Variants in PREX2 observed in about 807,000 individuals in gnomAD.
PREX2 encodes the protein phosphatidylinositol-3,4,5-trisphosphate dependent Rac exchange factor 2, also known as phosphatidylinositol 3,4,5-trisphosphate-dependent Rac exchanger 2 protein.
PREX2 carries 107 observed loss-of-function variants against 203.2 expected under a neutral mutation model. That is an observed-to-expected ratio of 0.53 (90% CI 0.45 to 0.62). PREX2 has a LOEUF of 0.62. PREX2 is among the 20% of genes least tolerant of loss of function. PREX2 has a pLI of 0.00. For synonymous variants in PREX2, 672 were observed against 663.6 expected (o/e 1.01, Z -0.19); for missense variants, 1,777 against 1,955.9 (o/e 0.91, Z 1.72).
intron 35 of PREX2, among the ~76,000 whole-genome samples, chr8:68,188,591 C>G (rs1812235536): frequency 6.6e-6 from 1 of 152,164 alleles, no homozygotes; most frequent in South Asian, 2.1e-4. Context: ...ACTCATAGTT[C>G]CACGTGGCTG....
intron 39 of PREX2, among the ~76,000 whole-genome samples, chr8:68,230,845 G>T (rs1369146709): frequency 1.3e-5 from 2 of 152,116 alleles, no homozygotes; most frequent in African/African-American, 4.8e-5. Context: ...ATCTTGCCAT[G>T]TCAGCCTATC....
chr8:68,059,260 G>A (rs1406753760), intron 10 of PREX2, among the ~76,000 whole-genome samples: 1 of 150,988 alleles, frequency 6.6e-6, no homozygotes, highest in African/African-American at 2.5e-5. Flanking sequence ...AAATGTCTCT[G>A]TATTTAGTGT....
chr8:68,115,492 GT>G (rs1031228949), intron 25 of PREX2, among the ~76,000 whole-genome samples: 4 of 151,986 alleles, frequency 2.6e-5, no homozygotes, highest in Admixed American at 6.5e-5. Context: ...TCACAGCTTT[GT>G]TTTAGCTATA....
At chr8:67,973,424 A>G (rs1312359173) in intron 1 of PREX2, among the ~76,000 whole-genome samples, 2 of 152,130 alleles carry the variant, frequency 1.3e-5, no homozygotes, top group Non-Finnish European at 2.9e-5. Context: ...TGATCCATCA[A>G]ACATCTTGCT....
At chr8:68,058,497 G>T (rs773395378) in intron 10 of PREX2, among the ~76,000 whole-genome samples, 2 of 151,740 alleles carry the variant, frequency 1.3e-5, no homozygotes, top group Non-Finnish European at 2.9e-5. Context: ...GCAGTGGCAC[G>T]ATCTCAGCTC....
At chr8:68,089,744 T>A (rs1463255669) in intron 19 of PREX2, among the ~76,000 whole-genome samples, 1 of 152,252 alleles carries the variant, frequency 6.6e-6, no homozygotes, top group Non-Finnish European at 1.5e-5. Flanking sequence ...TGTTTAATAA[T>A]TTCTTTATGA....
rs192197391 is a variant in PREX2, at chr8:67,982,555, T to G, written c.141+30020T>G. On this transcript the variant is annotated intron_variant, in intron 1 of 39. Transcript: ENST00000288368. The stretch of plus-strand genomic sequence containing the variant: ...CTAATAAAAGATACATTGACATGTA[T>G]TAGAATTGTCATTGTTTATGGGTAA... 2.0e-4 allele frequency among the ~76,000 whole-genome samples: 31 copies of G among 152,334 alleles called. 1 individual carries two copies.
chr8:68,043,930 A>G (rs1808267554), intron 7 of PREX2, among the ~76,000 whole-genome samples: 1 of 152,108 alleles, frequency 6.6e-6, no homozygotes, highest in African/African-American at 2.4e-5. Context: ...TAAGGCCTTC[A>G]TGAAGGATTG....
chr8:68,054,422 C>G (rs1354374764), intron 9 of PREX2, among the ~76,000 whole-genome samples: 2 of 151,366 alleles, frequency 1.3e-5, no homozygotes, highest in Non-Finnish European at 2.9e-5. Context: ...TCTAAAACTG[C>G]TTATGATCTT....
At chr8:68,168,684 C>G (rs1178920309) in intron 35 of PREX2, among the ~76,000 whole-genome samples, 1 of 152,128 alleles carries the variant, frequency 6.6e-6, no homozygotes, top group Non-Finnish European at 1.5e-5. Context: ...TAATCTGTAA[C>G]CACAAATACT....
chr8:67,981,747 A>T (rs58364782), intron 1 of PREX2, among the ~76,000 whole-genome samples: 1 of 152,036 alleles, frequency 6.6e-6, no homozygotes, highest in Admixed American at 6.5e-5. Flanking sequence ...CTTAAAATAT[A>T]TATTAATCAG....
chr8:68,070,435 AAG>A (rs1406851743), intron 13 of PREX2, among the ~76,000 whole-genome samples: 1 of 151,974 alleles, frequency 6.6e-6, no homozygotes, highest in African/African-American at 2.4e-5. Context: ...CTTGTTTTAA[AAG>A]AGGAATCAGG....
At chr8:68,011,922 T>G (rs1359996382) in intron 1 of PREX2, among the ~76,000 whole-genome samples, 1 of 152,180 alleles carries the variant, frequency 6.6e-6, no homozygotes, top group African/African-American at 2.4e-5. Flanking sequence ...ATGGCATTTA[T>G]TATAGTATTT....
intron 30 of PREX2, among the ~76,000 whole-genome samples, chr8:68,126,490 A>C (rs1006768164): frequency 1.3e-5 from 2 of 152,042 alleles, no homozygotes. Context: ...CTCTTAGCTT[A>C]TTGTACTTTG....
intron 1 of PREX2, among the ~76,000 whole-genome samples, chr8:68,010,943 A>T (rs919027274): frequency 6.6e-6 from 1 of 152,190 alleles, no homozygotes; most frequent in Non-Finnish European, 1.5e-5. Flanking sequence ...GGAACACAAG[A>T]TCTTCATGAA....
rs771430356 is a variant in PREX2, at chr8:68,191,782, A to C, written c.4407A>C (p.Val1469=). The part of the protein sequence containing the change: ...PPNSTSKAAY[V]DKLMRPLNAL... ...ACTCCACATCCAAAGCTGCCTATGT[A>C]GATAAGGTAAAAACAGATGATTATA... The change falls in exon 36 of 40, where the codon GTA becomes GTC. Residue 1469 remains valine (V), a synonymous_variant. Coordinates refer to ENST00000288368, the MANE Select transcript of PREX2 (RefSeq NM_024870.4). The C allele has an allele frequency of 6.3e-7, 1 of 1,599,362 alleles. No homozygotes were observed. The highest frequency in any genetic ancestry group is 1.1e-5 in the South Asian group (1 of 90,580).
chr8:67,998,016 G>A (rs1185702305), intron 1 of PREX2, among the ~76,000 whole-genome samples: 1 of 152,096 alleles, frequency 6.6e-6, no homozygotes, highest in Non-Finnish European at 1.5e-5. Flanking sequence ...TTTGAATGAG[G>A]GAGCAGGACT....
intron 35 of PREX2, among the ~76,000 whole-genome samples, chr8:68,178,075 T>C (rs1228091772): frequency 6.6e-6 from 1 of 152,190 alleles, no homozygotes; most frequent in Non-Finnish European, 1.5e-5. Context: ...GTCTTTGCTA[T>C]TGTGAATAGT....
chr8:68,133,907 T>C (rs2129613402), intron 31 of PREX2, 152 bp from the exon 32 acceptor site: 1 of 607,546 alleles, frequency 1.6e-6, no homozygotes, highest in East Asian at 2.8e-5. Flanking sequence ...TGCTAGAATG[T>C]GTGTGGTCAT....
Sources: gnomAD v4.1 joint callset for allele counts (sites outside exome capture counted in the v4.1 genomes callset) on GRCh38, gnomAD v4.1.1 for gene constraint, MANE v1.5 for transcripts, NCBI Gene and HGNC (gene_info 2026-07-23, HGNC 2026-07-21) for gene names.